ZNF704: variants seen among roughly 807,000 people sequenced by gnomAD.
ZNF704 encodes the protein zinc finger protein 704, also known as glucocorticoid induced gene 1.
Under a neutral mutation model 44.7 loss-of-function variants are expected in ZNF704, and 10 were observed. That is an observed-to-expected ratio of 0.22 (90% CI 0.14 to 0.38). The LOEUF is 0.38. Ranked by LOEUF, ZNF704 falls within the 10% of genes least tolerant of loss-of-function variation. The pLI is 1.00. For synonymous variants in ZNF704, 211 were observed against 207.6 expected (o/e 1.02, Z -0.14); for missense variants, 390 against 545.5 (o/e 0.71, Z 2.84).
intron 2 of ZNF704, among the ~76,000 whole-genome samples, chr8:80,798,606 C>CT (rs1807847325): frequency 6.6e-6 from 1 of 152,134 alleles, no homozygotes; most frequent in Non-Finnish European, 1.5e-5. Context: ...TACCCAGTCT[C>CT]TAAGAAGATC....
At chr8:80,798,630 G>C (rs1231680147) in intron 2 of ZNF704, among the ~76,000 whole-genome samples, 1 of 152,080 alleles carries the variant, frequency 6.6e-6, no homozygotes, top group Non-Finnish European at 1.5e-5. Context: ...ACTTACCCTA[G>C]TCTTCTTGTC....
intron 4 of ZNF704, among the ~76,000 whole-genome samples, chr8:80,677,417 T>C (rs1269967850): frequency 6.6e-6 from 1 of 152,228 alleles, no homozygotes; most frequent in African/African-American, 2.4e-5. Context: ...TTTCATTTGT[T>C]ACTTCAGGTA....
At chr8:80,788,588 G>GT (rs1005614209) in intron 2 of ZNF704, among the ~76,000 whole-genome samples, 17 of 152,266 alleles carry the variant, frequency 1.1e-4, no homozygotes, top group Admixed American at 1.0e-3. Flanking sequence ...ATTTCATCTT[G>GT]TGTCTGCCTG....
chr8:80,837,986 T>TAC (rs1477096858), intron 1 of ZNF704, among the ~76,000 whole-genome samples: 3 of 152,104 alleles, frequency 2.0e-5, no homozygotes, highest in Non-Finnish European at 4.4e-5. Context: ...AAACCTATCA[T>TAC]ACATCAACAG....
At chr8:80,700,678 G>C (rs572611094) in intron 2 of ZNF704, among the ~76,000 whole-genome samples, 48 of 152,248 alleles carry the variant, frequency 3.2e-4, no homozygotes, top group African/African-American at 9.6e-4. Context: ...GTGTGAGTTG[G>C]GGGTGATTAG....
At chr8:80,810,959 C>T (rs1808071521) in intron 2 of ZNF704, among the ~76,000 whole-genome samples, 1 of 152,192 alleles carries the variant, frequency 6.6e-6, no homozygotes, top group Admixed American at 6.5e-5. Flanking sequence ...ATGTTCCACC[C>T]CTAGCAGTGT....
At chr8:80,878,252 G>T (rs1463553567), upstream of ZNF704, among the ~76,000 whole-genome samples, 1 of 132,928 alleles carries the variant, frequency 7.5e-6, no homozygotes, top group Admixed American at 8.0e-5. Flanking sequence ...GAAAGAGAAA[G>T]AAAGGAAGGA....
intron 2 of ZNF704, among the ~76,000 whole-genome samples, chr8:80,769,601 C>A (rs1807284955): frequency 6.6e-6 from 1 of 152,188 alleles, no homozygotes; most frequent in South Asian, 2.1e-4. Flanking sequence ...CAAGAGTGAC[C>A]TTTGCTCCAG....
chr8:80,759,234 T>A (rs1216274633), intron 2 of ZNF704, among the ~76,000 whole-genome samples: 2 of 151,766 alleles, frequency 1.3e-5, no homozygotes, highest in East Asian at 3.9e-4. Context: ...AGACTTTTGA[T>A]GGACCCTAGA....
intron 2 of ZNF704, among the ~76,000 whole-genome samples, chr8:80,765,818 T>C (rs1175909711): frequency 6.6e-6 from 1 of 152,168 alleles, no homozygotes; most frequent in Non-Finnish European, 1.5e-5. Flanking sequence ...ATAAGAATTA[T>C]GATCAACACC....
intron 8 of ZNF704, among the ~76,000 whole-genome samples, chr8:80,642,173 T>C (rs1817753765): frequency 6.6e-6 from 1 of 152,192 alleles, no homozygotes; most frequent in South Asian, 2.1e-4. Context: ...ACCCTATATA[T>C]ATATTATGCA....
At chr8:80,755,102 G>A (rs1053918852) in intron 2 of ZNF704, among the ~76,000 whole-genome samples, 2 of 152,158 alleles carry the variant, frequency 1.3e-5, no homozygotes, top group Admixed American at 6.5e-5. Flanking sequence ...CATGGCTTAA[G>A]ATTTGCATGC....
At chr8:80,642,276 G>A (rs1462178935) in intron 8 of ZNF704, among the ~76,000 whole-genome samples, 3 of 151,670 alleles carry the variant, frequency 2.0e-5, no homozygotes, top group Non-Finnish European at 1.5e-5. Flanking sequence ...TTCTTTCTTT[G>A]TTAAGTTGAA....
intron 2 of ZNF704, among the ~76,000 whole-genome samples, chr8:80,782,149 G>A (rs185693549): frequency 1.3e-5 from 2 of 152,266 alleles, no homozygotes; most frequent in East Asian, 3.9e-4. Flanking sequence ...TAGCGCAGCT[G>A]GGATATATTT....
At chr8:80,659,486 G>C (rs999839654) in intron 7 of ZNF704, 99 bp downstream of exon 7, 23 of 909,192 alleles carry the variant, frequency 2.5e-5, no homozygotes, top group Non-Finnish European at 4.2e-5. Context: ...CTGGCATTCT[G>C]ATGTTTGTAT....
At chr8:80,871,039 G>A (rs1388972287) in intron 1 of ZNF704, among the ~76,000 whole-genome samples, 1 of 151,934 alleles carries the variant, frequency 6.6e-6, no homozygotes, top group Non-Finnish European at 1.5e-5. Context: ...CCATCCACAA[G>A]TTCTTGTAGG....
In ZNF704 at chr8:80,636,900, C is replaced by T. The variant is rs929535622; in HGVS notation, c.*4466G>A. On this transcript the variant is annotated 3_prime_UTR_variant, in exon 9 of 9. Coordinates refer to ENST00000327835, the MANE Select transcript of ZNF704 (RefSeq NM_001033723.3). ...CATGCTATTAAAGCAAAATGTACAT[C>T]GTTCACGGCTTGCTTTCGCCTACGG... 8.5e-5 allele frequency: 13 copies of T among 152,334 alleles called. No individual in the cohort carries two copies. Among genetic ancestry groups the T allele is most frequent in the African/African-American group, 2.6e-4 (11 of 41,572 alleles). 9.4% of individuals were successfully genotyped at this position (152,334 alleles called of 1,614,324 possible). A position where few individuals can be genotyped will look rare whatever the true frequency, so the allele number is the denominator to read the frequency against.
chr8:80,745,561 A>C (rs569704572), intron 2 of ZNF704, among the ~76,000 whole-genome samples: 3 of 152,332 alleles, frequency 2.0e-5, no homozygotes, highest in African/African-American at 4.8e-5. Context: ...CCAAAGTTTT[A>C]AGTAAGTGAT....
At chr8:80,834,223 T>C (rs543305675) in intron 1 of ZNF704, among the ~76,000 whole-genome samples, 2 of 151,990 alleles carry the variant, frequency 1.3e-5, no homozygotes, top group African/African-American at 4.8e-5. Context: ...AGAAATCCTA[T>C]CTACAGGTAC....
Sources: allele counts gnomAD v4.1 joint callset (sites outside exome capture counted in the v4.1 genomes callset), GRCh38; gene constraint gnomAD v4.1.1; transcripts MANE v1.5; gene names NCBI Gene and HGNC (gene_info 2026-07-23, HGNC 2026-07-21).